The following SDHD variants were observed in gnomAD, a reference collection of about 807,000 sequenced individuals.
SDHD encodes the protein succinate dehydrogenase [ubiquinone] cytochrome b small subunit, mitochondrial.
In SDHD, 6 loss-of-function variants were observed where a neutral mutation model predicts 18.7. That is an observed-to-expected ratio of 0.32 (90% confidence interval 0.18 to 0.63). SDHD has a LOEUF of 0.63. SDHD is among the 30% of genes least tolerant of loss of function. The probability of loss-of-function intolerance (pLI) is 0.79; values close to 1 mark genes in which losing one functional copy is unlikely to be tolerated. For missense variants in SDHD, 160 were observed against 192.7 expected, an observed-to-expected ratio of 0.83 and a Z score of 1.00; for synonymous variants, 56 against 73.9, an observed-to-expected ratio of 0.76 and a Z score of 1.24.
At position 112,088,016 on chromosome 11, in the gene SDHD, C is replaced by A. The variant is rs113772209; in HGVS notation, c.169+43C>A. The A allele has an allele frequency of 1.2e-4, 163 of 1,327,844 alleles. 3 individuals carry two copies. In the African/African-American group the frequency reaches 2.2e-3, roughly 18 times the overall value. 82.3% of individuals were successfully genotyped at this position (1,327,844 alleles called of 1,614,324 possible). On this transcript the variant is annotated intron_variant, in intron 2 of 3. Transcript: ENST00000375549. ...CTGCTGCTTTCTGGGCTCTAGCCAT[C>A]TTTACCTTCACTAATGGTCATGCCT...
intron 3 of SDHD, chr11:112,091,139 A>G: frequency 1.1e-6 from 1 of 952,288 alleles, no homozygotes; most frequent in Non-Finnish European, 1.3e-6. Context: ...TACAGTAAGT[A>G]ATATTTCTCT....
chr11:112,089,122 A>G (rs1478856924), intron 3 of SDHD, 111 bp downstream of exon 3: 1 of 1,101,144 alleles, frequency 9.1e-7, no homozygotes, highest in Non-Finnish European at 1.4e-6. Context: ...AATTTGTTGA[A>G]AACTTTAAAA....
In SDHD at chr11:112,088,040, CTT is replaced by C. The variant is rs1865658878; in HGVS notation, c.169+69_169+70del. The stretch of plus-strand genomic sequence containing the variant: ...TCTTTACCTTCACTAATGGTCATGC[CTT>C]TAGCAGGACTTCCTACCTGTAGGGG... On this transcript the variant is annotated intron_variant, in intron 2 of 3. Transcript: ENST00000375549. The C allele has an allele frequency of 4.5e-6, 5 of 1,107,572 alleles. No individual in the cohort carries two copies. In the Admixed American group the frequency reaches 8.4e-5, roughly 19 times the overall value. The allele number at this position is 1,107,572 out of a possible 1,614,324, so 68.6% of individuals were successfully genotyped here. A position where few individuals can be genotyped will look rare whatever the true frequency, so the allele number is the denominator to read the frequency against.
intron 3 of SDHD, chr11:112,093,136 A>AGCACGATCTCG (rs756804034): frequency 8.4e-5 from 32 of 383,156 alleles, no homozygotes; most frequent in South Asian, 3.4e-4. Context: ...GCACGATCTC[A>AGCACGATCTCG]GCTTACTGCA....
At chr11:112,088,659 C>T in intron 2 of SDHD, 1 of 640,522 alleles carries the variant, frequency 1.6e-6, no homozygotes. Flanking sequence ...TACCCTTGTG[C>T]TAAAAGACTT....
intron 3 of SDHD, among the ~76,000 whole-genome samples, chr11:112,094,450 G>A (rs1234937554): frequency 2.6e-5 from 4 of 151,812 alleles, no homozygotes; most frequent in African/African-American, 4.8e-5. Flanking sequence ...ACAATTAGCC[G>A]GGCATGGAGG....
intron 1 of SDHD, 138 bp downstream of exon 1, chr11:112,087,097 C>A: frequency 1.1e-6 from 1 of 922,414 alleles, no homozygotes; most frequent in Non-Finnish European, 1.7e-6. Flanking sequence ...CCACTGTAGT[C>A]TAGGGGTCCA....
chr11:112,087,083 A>G, intron 1 of SDHD, 124 bp downstream of exon 1: 1 of 1,080,010 alleles, frequency 9.3e-7, no homozygotes, highest in East Asian at 2.5e-5. Flanking sequence ...AATCACAGCA[A>G]TGACCACTGT....
intron 3 of SDHD, 127 bp from the exon 4 acceptor site, chr11:112,094,678 T>C (rs1028194547): frequency 2.4e-5 from 19 of 781,178 alleles, no homozygotes; most frequent in Middle Eastern, 3.8e-4. Flanking sequence ...ACAGTGACAG[T>C]GGAGTGGCAA....
Position 112,094,832 on chromosome 11 carries a change from T to C in SDHD, c.342T>C (p.Tyr114=), listed in dbSNP as rs1050032491. The C allele has an allele frequency of 5.0e-6, 8 of 1,611,952 alleles. No individual in the cohort carries two copies. The African/African-American group carries it at 6.7e-5, about 13-fold the overall frequency. Residue 114 remains tyrosine, a synonymous_variant, in exon 4 of 4, where the codon TAT becomes TAC. Coordinates refer to ENST00000375549, the MANE Select transcript of SDHD (RefSeq NM_003002.4). ...HWGLGQVVTD[Y]VHGDALQKAA... ...GCCTTGGACAAGTTGTTACTGACTATGTTCATGGGGATGCCTTGCAGAAAG... is the reference window on the plus strand; with the variant it reads ...GCCTTGGACAAGTTGTTACTGACTACGTTCATGGGGATGCCTTGCAGAAAG...
At chr11:112,091,057 ATGT>A (rs1365673312) in intron 3 of SDHD, 3 of 958,678 alleles carry the variant, frequency 3.1e-6, no homozygotes, top group Non-Finnish European at 3.7e-6. Flanking sequence ...GTTGTTGTTG[ATGT>A]TGTTTTTTAA....
intron 2 of SDHD, 197 bp from the exon 3 acceptor site, chr11:112,088,670 C>T (rs1865677823): frequency 3.0e-6 from 2 of 664,588 alleles, no homozygotes; most frequent in East Asian, 2.8e-5. Context: ...TAAAAGACTT[C>T]AAAAAACAGA....
In SDHD at chr11:112,093,109, G is replaced by A. The variant is rs759717783; in HGVS notation, c.315-1696G>A. ...GAGTGCAATGGTGCGATCTTGGCTC[G>A]GCACGATCTCGGCTCAGCACGATCT... On this transcript the variant is annotated intron_variant, in intron 3 of 3. Transcript: ENST00000375549. The A allele has an allele frequency of 8.1e-5, 29 of 359,960 alleles. 1 individual carries two copies. The highest frequency in any genetic ancestry group is 4.6e-4 in the South Asian group (25 of 54,130). The allele number at this position is 359,960 out of a possible 1,614,324, so 22.3% of individuals were successfully genotyped here. A position where few individuals can be genotyped will look rare whatever the true frequency, so the allele number is the denominator to read the frequency against.
chr11:112,087,573 T>C (rs961756005), intron 1 of SDHD, among the ~76,000 whole-genome samples: 1 of 152,126 alleles, frequency 6.6e-6, no homozygotes, highest in African/African-American at 2.4e-5. Context: ...GATACGCCAA[T>C]AGGATTTGGC....
At chr11:112,090,598 A>G (rs1328384146) in intron 3 of SDHD, among the ~76,000 whole-genome samples, 1 of 152,110 alleles carries the variant, frequency 6.6e-6, no homozygotes, top group Non-Finnish European at 1.5e-5. Context: ...TACTTTGGAG[A>G]GTATCTTAAC....
chr11:112,088,775 G>T, intron 2 of SDHD, 92 bp from the exon 3 acceptor site: 1 of 1,359,112 alleles, frequency 7.4e-7, no homozygotes, highest in South Asian at 1.2e-5. Context: ...TATGTACACT[G>T]CCTGTCAGTT....
intron 2 of SDHD, 31 bp downstream of exon 2, chr11:112,088,004 G>A (rs1432816621): frequency 6.9e-7 from 1 of 1,447,326 alleles, no homozygotes; most frequent in Non-Finnish European, 9.7e-7. Flanking sequence ...CTGCTTTCTG[G>A]GCTCTAGCCA....
intron 3 of SDHD, chr11:112,093,120 G>A (rs537332269): frequency 5.8e-5 from 22 of 377,302 alleles, no homozygotes; most frequent in East Asian, 2.4e-4. Flanking sequence ...GCACGATCTC[G>A]GCTCAGCACG....
chr11:112,094,434 T>C (rs1215146213), intron 3 of SDHD, among the ~76,000 whole-genome samples: 1 of 146,932 alleles, frequency 6.8e-6, no homozygotes, highest in Non-Finnish European at 1.5e-5. Flanking sequence ...TAGAAGGAAA[T>C]AAAAAACAAT....
Sources: allele counts gnomAD v4.1 joint callset (sites outside exome capture counted in the v4.1 genomes callset), GRCh38; gene constraint gnomAD v4.1.1; transcripts MANE v1.5; gene names NCBI Gene and HGNC (gene_info 2026-07-23, HGNC 2026-07-21).